NEDD4L: variants seen among roughly 807,000 people sequenced by gnomAD.
NEDD4L encodes the protein E3 ubiquitin-protein ligase NEDD4-like.
Under a neutral mutation model 148.9 loss-of-function variants are expected in NEDD4L, and 54 were observed. The observed-to-expected ratio is 0.36, with a 90% CI of 0.29 to 0.45. The LOEUF is 0.45. NEDD4L is among the 20% of genes least tolerant of loss of function. NEDD4L has a pLI of 1.00. For missense variants in NEDD4L, 856 were observed against 1,233.8 expected, an observed-to-expected ratio of 0.69 and a Z score of 4.59; for synonymous variants, 433 against 440.7, an observed-to-expected ratio of 0.98 and a Z score of 0.22.
intron 2 of NEDD4L, among the ~76,000 whole-genome samples, chr18:58,203,133 A>C (rs1046890632): frequency 5.9e-5 from 9 of 151,828 alleles, no homozygotes; most frequent in African/African-American, 2.2e-4. Context: ...ACACCAACTA[A>C]TTTTTTTATT....
intron 1 of NEDD4L, among the ~76,000 whole-genome samples, chr18:58,163,456 A>G (rs2036476250): frequency 1.3e-5 from 2 of 152,244 alleles, no homozygotes; most frequent in Admixed American, 1.3e-4. Flanking sequence ...GGAACAGGGA[A>G]GAGCAGCTAA....
intron 9 of NEDD4L, among the ~76,000 whole-genome samples, chr18:58,327,496 G>T (rs1214480860): frequency 6.6e-6 from 1 of 152,236 alleles, no homozygotes; most frequent in African/African-American, 2.4e-5. Flanking sequence ...GCCAAAGGGA[G>T]AGGCTGAGCC....
chr18:58,284,054 C>T (rs191462559), intron 5 of NEDD4L, among the ~76,000 whole-genome samples: 1 of 152,280 alleles, frequency 6.6e-6, no homozygotes, highest in East Asian at 1.9e-4. Flanking sequence ...TGGAATCTCC[C>T]TCAGCCTTCA....
intron 2 of NEDD4L, among the ~76,000 whole-genome samples, chr18:58,201,738 T>C (rs551247442): frequency 6.6e-6 from 1 of 152,356 alleles, no homozygotes; most frequent in East Asian, 1.9e-4. Context: ...CCATTGCCCT[T>C]TTTGGAAAGA....
At chr18:58,310,638 T>C (rs1322433542) in intron 5 of NEDD4L, among the ~76,000 whole-genome samples, 1 of 152,240 alleles carries the variant, frequency 6.6e-6, no homozygotes, top group Non-Finnish European at 1.5e-5. Flanking sequence ...ACTCACACTT[T>C]ACCTCTTCCT....
intron 3 of NEDD4L, 21 bp from the exon 4 acceptor site, chr18:58,248,878 A>G (rs2047585682): frequency 7.3e-7 from 1 of 1,363,304 alleles, no homozygotes; most frequent in Middle Eastern, 1.8e-4. Flanking sequence ...AAAAGATACT[A>G]CAAGATAATT....
chr18:58,341,660 T>C lies in NEDD4L; in HGVS notation c.1258-18T>C. The C allele has an allele frequency of 6.2e-7, 1 of 1,608,482 alleles. No homozygotes were observed. Among genetic ancestry groups the C allele is most frequent in the Non-Finnish European group, 8.5e-7 (1 of 1,177,380 alleles). On this transcript the variant is annotated intron_variant, in intron 14 of 30. Transcript: ENST00000400345. ...GAGATCCTCCTATGAAGCTAACTTG[T>C]TTTTGCCTCCAAAATAGCTTGCAGA...
Position 58,397,505 on chromosome 18 carries a change from G to C in NEDD4L, c.*1236G>C, listed in dbSNP as rs1050972356. 9 of 152,190 alleles carry C rather than the reference G, an allele frequency of 5.9e-5. No homozygotes were observed. The highest frequency in any genetic ancestry group is 2.2e-4 in the African/African-American group (9 of 41,438). 9.4% of individuals were successfully genotyped at this position (152,190 alleles called of 1,614,324 possible). ...GCCTACAGACCTGTCCTCACCAACTGTTTTGTGATTTCTACTCAACTACAA... is the reference window on the plus strand; with the variant it reads ...GCCTACAGACCTGTCCTCACCAACTCTTTTGTGATTTCTACTCAACTACAA... On this transcript the variant is annotated 3_prime_UTR_variant, in exon 31 of 31. Coordinates refer to ENST00000400345, the MANE Select transcript of NEDD4L (RefSeq NM_001144967.3).
chr18:58,110,091 G>A (rs986799001), intron 1 of NEDD4L, among the ~76,000 whole-genome samples: 9 of 152,186 alleles, frequency 5.9e-5, no homozygotes, highest in Admixed American at 3.3e-4. Context: ...AGGACAGATT[G>A]CAGAGCTTTG....
At chr18:58,120,279 G>C (rs534612636) in intron 1 of NEDD4L, among the ~76,000 whole-genome samples, 172 of 152,320 alleles carry the variant, frequency 1.1e-3, no homozygotes, top group Non-Finnish European at 2.0e-3. Context: ...TCTGATGTCA[G>C]CCAAGAGCAG....
At chr18:58,104,855 C>G (rs1268094349) in intron 1 of NEDD4L, among the ~76,000 whole-genome samples, 1 of 151,740 alleles carries the variant, frequency 6.6e-6, no homozygotes, top group Non-Finnish European at 1.5e-5. Context: ...CCCCCGCCCC[C>G]CAACCAACCC....
At position 58,123,862 on chromosome 18, in the gene NEDD4L, C is replaced by T. The variant is rs140277008; in HGVS notation, c.49-41926C>T. ...GCTCCTGTCTCACTCAGGCCCCTTG[C>T]CACTCTCAAGGCATCTTCTTCCTGC... is the stretch of plus-strand genomic sequence containing the variant. On this transcript the variant is annotated intron_variant, in intron 1 of 30. Transcript: ENST00000400345. 8.9e-3 allele frequency among the ~76,000 whole-genome samples: 1,352 copies of T among 152,286 alleles called. 13 individuals are homozygous for T. The highest frequency in any genetic ancestry group is 0.014 in the Non-Finnish European group (947 of 68,028).
intron 1 of NEDD4L, among the ~76,000 whole-genome samples, chr18:58,052,827 G>A (rs946744301): frequency 1.3e-5 from 2 of 152,032 alleles, no homozygotes; most frequent in South Asian, 2.1e-4. Context: ...TTAGCTGGGC[G>A]TCGTGGCGTG....
chr18:58,144,898 A>G (rs947836541), intron 1 of NEDD4L, among the ~76,000 whole-genome samples: 1 of 152,210 alleles, frequency 6.6e-6, no homozygotes, highest in Non-Finnish European at 1.5e-5. Context: ...ATACATGTGC[A>G]TGTGGTACCA....
At chr18:58,253,819 C>T (rs1357288090) in intron 5 of NEDD4L, among the ~76,000 whole-genome samples, 2 of 152,242 alleles carry the variant, frequency 1.3e-5, no homozygotes, top group South Asian at 4.2e-4. Flanking sequence ...TGATCTTGCC[C>T]TGGGTCTGAA....
chr18:58,160,326 C>T (rs374016396), intron 1 of NEDD4L, among the ~76,000 whole-genome samples: 75 of 152,312 alleles, frequency 4.9e-4, no homozygotes, highest in African/African-American at 1.8e-3. Context: ...TCACTTATGG[C>T]TCGGGCACCT....
At chr18:58,219,511 T>G (rs557825357) in intron 2 of NEDD4L, among the ~76,000 whole-genome samples, 3 of 152,286 alleles carry the variant, frequency 2.0e-5, no homozygotes, top group Non-Finnish European at 4.4e-5. Context: ...TACCACAAAT[T>G]TGTTTTCTCA....
chr18:58,266,330 C>T (rs2050215117), intron 5 of NEDD4L, among the ~76,000 whole-genome samples: 2 of 151,900 alleles, frequency 1.3e-5, no homozygotes, highest in African/African-American at 2.4e-5. Flanking sequence ...AAAAGGAAAT[C>T]ACAGAAGTTG....
intron 2 of NEDD4L, among the ~76,000 whole-genome samples, chr18:58,198,972 A>G (rs2147355281): frequency 6.6e-6 from 1 of 152,246 alleles, no homozygotes; most frequent in East Asian, 1.9e-4. Flanking sequence ...TTGTATTTTT[A>G]GTAGAGACGG....
Sources: allele counts gnomAD v4.1 joint callset (sites outside exome capture counted in the v4.1 genomes callset), GRCh38; gene constraint gnomAD v4.1.1; transcripts MANE v1.5; gene names NCBI Gene and HGNC (gene_info 2026-07-23, HGNC 2026-07-21).